The following DMD variants were observed in gnomAD, a reference collection of about 807,000 sequenced individuals.
The protein encoded by DMD is mutant dystrophin.
Under a neutral mutation model 330.1 loss-of-function variants are expected in DMD, and 63 were observed. The ratio of observed to expected loss-of-function variants is 0.19; its 90% confidence interval spans 0.16 to 0.24. The LOEUF (loss-of-function observed/expected upper bound fraction) is 0.24, where lower values mean the gene tolerates loss of function less well. Among genes scored for constraint, DMD ranks in the 10% least tolerant of loss-of-function variants. The pLI is 1.00. For synonymous variants in DMD, 1,223 were observed against 959.8 expected, an observed-to-expected ratio of 1.27 and a Z score of -5.07; for missense variants, 3,344 against 2,684.1, an observed-to-expected ratio of 1.25 and a Z score of -5.43.
At chrX:32,719,893 A>T (rs1409373140) in intron 7 of DMD, among the ~76,000 whole-genome samples, 3 of 110,244 alleles carry the variant, frequency 2.7e-5, no homozygotes, top group African/African-American at 9.9e-5. Context: ...ATCATATAAT[A>T]CGTTGTTATC....
intron 44 of DMD, among the ~76,000 whole-genome samples, chrX:32,015,230 C>T (rs1225065921): frequency 1.8e-5 from 2 of 111,752 alleles, no homozygotes; most frequent in Admixed American, 9.5e-5. Flanking sequence ...GTTCGATCGA[C>T]GCTTTTCAAA....
chrX:32,108,801 G>T (rs16990114), intron 44 of DMD, among the ~76,000 whole-genome samples: 2 of 110,869 alleles, frequency 1.8e-5, no homozygotes, highest in Non-Finnish European at 3.8e-5. Flanking sequence ...TTTAAATAAC[G>T]TGAGGTTTTT....
intron 43 of DMD, among the ~76,000 whole-genome samples, chrX:32,234,518 G>A (rs987374440): frequency 1.8e-5 from 2 of 110,774 alleles, no homozygotes; most frequent in Admixed American, 1.9e-4. Flanking sequence ...CATGGCCAGG[G>A]CATCAGAATT....
At chrX:31,274,150 A>G (rs2051898356) in intron 62 of DMD, among the ~76,000 whole-genome samples, 2 of 111,911 alleles carry the variant, frequency 1.8e-5, no homozygotes, top group South Asian at 7.6e-4. Flanking sequence ...GCTCTTTAGC[A>G]GTTTACAAAA....
At chrX:31,273,346 A>G (rs1457363399) in intron 62 of DMD, among the ~76,000 whole-genome samples, 1 of 112,363 alleles carries the variant, frequency 8.9e-6, no homozygotes, top group African/African-American at 3.2e-5. Flanking sequence ...GAAAATACTG[A>G]GCATATATCA....
Position 32,559,043 on chromosome X carries a change from C to T in DMD, c.1992+6659G>A, listed in dbSNP as rs974579980. Among the ~76,000 whole-genome samples the T allele has an allele frequency of 5.9e-5, 6 of 100,936 alleles. No individual in the cohort carries two copies. In the South Asian group the frequency reaches 1.4e-3, roughly 23 times the overall value. 87.7% of individuals were successfully genotyped at this position (100,936 alleles called of 115,157 possible). ...TCGGCTCACTGCAACCTCCACCTCCCGGGTTCAAGCAATTCTCCTGCCTCA... is the reference window on the plus strand; with the variant it reads ...TCGGCTCACTGCAACCTCCACCTCCTGGGTTCAAGCAATTCTCCTGCCTCA... On this transcript the variant is annotated intron_variant, in intron 16 of 78. Coordinates refer to ENST00000357033, the MANE Select transcript of DMD (RefSeq NM_004006.3).
intron 61 of DMD, among the ~76,000 whole-genome samples, chrX:31,346,448 T>C (rs146629106): frequency 0.014 from 1,564 of 111,496 alleles, 27 homozygotes; most frequent in African/African-American, 0.048. Context: ...CTAACAGATG[T>C]TAACTCCATG....
intron 7 of DMD, among the ~76,000 whole-genome samples, chrX:32,808,632 T>C (rs1171643109): frequency 9.0e-6 from 1 of 111,706 alleles, no homozygotes; most frequent in Non-Finnish European, 1.9e-5. Flanking sequence ...ATCTCCTGTT[T>C]TGGAATTGAT....
intron 42 of DMD, among the ~76,000 whole-genome samples, chrX:32,304,890 G>A (rs1051554788): frequency 1.8e-5 from 2 of 111,167 alleles, no homozygotes; most frequent in Non-Finnish European, 3.8e-5. Context: ...TAAACTGTTA[G>A]AACTATTAAA....
intron 44 of DMD, among the ~76,000 whole-genome samples, chrX:32,022,261 A>G (rs766711848): frequency 8.9e-6 from 1 of 112,168 alleles, no homozygotes; most frequent in Non-Finnish European, 1.9e-5. Flanking sequence ...AAATCTTAAT[A>G]TAGCCTACGT....
intron 52 of DMD, among the ~76,000 whole-genome samples, chrX:31,712,270 T>C (rs1180161697): frequency 1.8e-5 from 2 of 111,399 alleles, no homozygotes; most frequent in Admixed American, 9.6e-5. Context: ...CTGTGGTTTC[T>C]TGGGAGGCTC....
chrX:32,558,230 G>A (rs5972596), intron 16 of DMD, among the ~76,000 whole-genome samples: 38,552 of 110,135 alleles, frequency 0.35, 4,932 homozygotes, highest in Admixed American at 0.38. Context: ...TATTAAATAC[G>A]GAATTTGAGC....
intron 2 of DMD, among the ~76,000 whole-genome samples, chrX:32,945,003 C>T (rs923549662): frequency 9.0e-6 from 1 of 111,290 alleles, no homozygotes; most frequent in Non-Finnish European, 1.9e-5. Context: ...TATATTGCTG[C>T]CAGATAAACT....
chrX:31,195,297 CCTGA>C (rs1569449371), intron 67 of DMD, among the ~76,000 whole-genome samples: 2 of 111,513 alleles, frequency 1.8e-5, no homozygotes, highest in Admixed American at 9.5e-5. Context: ...CTGCACTCCA[CCTGA>C]CTAATAAACC....
At chrX:31,405,076 A>G (rs1001746797) in intron 60 of DMD, among the ~76,000 whole-genome samples, 2 of 112,066 alleles carry the variant, frequency 1.8e-5, no homozygotes, top group African/African-American at 6.5e-5. Flanking sequence ...CACCATGCTT[A>G]GAAATCCGGA....
intron 21 of DMD, 67 bp from the exon 22 acceptor site, chrX:32,472,376 A>G (rs1216402188): frequency 9.2e-7 from 1 of 1,081,163 alleles, no homozygotes; most frequent in South Asian, 1.9e-5. Context: ...GTTTTCCTAA[A>G]TTGTCAGCAA....
rs1346635142 is a variant in DMD at position 32,633,293 on chromosome X, G to A, written c.1331+10839C>T. On this transcript the variant is annotated intron_variant, in intron 11 of 78. Coordinates refer to ENST00000357033, the MANE Select transcript of DMD (RefSeq NM_004006.3). ...GTTCAAACTTTCACAGATATCTAGA[G>A]CATGGACATAATACAGCCAACTTCT... 6.3e-5 allele frequency among the ~76,000 whole-genome samples: 7 copies of A among 111,205 alleles called. No individual in the cohort carries two copies. In the Admixed American group the frequency reaches 6.7e-4, roughly 11 times the overall value.
At chrX:32,772,766 G>A (rs1397056488) in intron 7 of DMD, among the ~76,000 whole-genome samples, 7 of 111,497 alleles carry the variant, frequency 6.3e-5, no homozygotes, top group East Asian at 2.8e-4. Flanking sequence ...CTAAGAACTC[G>A]GATACAACAG....
At chrX:33,022,846 T>C (rs1429903017) in intron 1 of DMD, among the ~76,000 whole-genome samples, 2 of 111,498 alleles carry the variant, frequency 1.8e-5, no homozygotes, top group Non-Finnish European at 3.8e-5. Context: ...GGTGAACATA[T>C]TAACGCAAAT....
Sources: gnomAD v4.1 joint callset for allele counts (sites outside exome capture counted in the v4.1 genomes callset) on GRCh38, gnomAD v4.1.1 for gene constraint, MANE v1.5 for transcripts, NCBI Gene and HGNC (gene_info 2026-07-23, HGNC 2026-07-21) for gene names.